Variants in ZHX2 observed in about 807,000 individuals in gnomAD.
ZHX2 encodes the protein zinc fingers and homeoboxes 2.
A neutral mutation model predicts 21.9 loss-of-function variants in ZHX2; 6 were observed. That is an observed-to-expected ratio of 0.27 (90% CI 0.15 to 0.54). ZHX2 has a LOEUF of 0.54. ZHX2 is among the 20% of genes least tolerant of loss of function. The pLI, the probability that ZHX2 is intolerant of heterozygous loss-of-function variation, is 0.95. For missense variants in ZHX2, 908 were observed against 1,090.7 expected (o/e 0.83, Z 2.36); for synonymous variants, 434 against 437.1 (o/e 0.99, Z 0.09).
intron 3 of ZHX2, among the ~76,000 whole-genome samples, chr8:122,956,866 C>T: frequency 6.6e-6 from 1 of 151,998 alleles, no homozygotes; most frequent in East Asian, 1.9e-4. Context: ...GGCCCCGGTC[C>T]CCATCTCTTC....
chr8:122,841,286 C>A (rs1250849137), intron 1 of ZHX2, among the ~76,000 whole-genome samples: 4 of 152,198 alleles, frequency 2.6e-5, no homozygotes, highest in Non-Finnish European at 4.4e-5. Context: ...CAGCCGGTGA[C>A]TTCCGCCTGG....
At chr8:122,890,530 CTGTAGA>C (rs1187047226) in intron 2 of ZHX2, among the ~76,000 whole-genome samples, 2 of 152,096 alleles carry the variant, frequency 1.3e-5, no homozygotes, top group Non-Finnish European at 2.9e-5. Context: ...TGAATTGAAT[CTGTAGA>C]TGTCTTTATA....
At chr8:122,910,446 G>A (rs534680543) in intron 2 of ZHX2, among the ~76,000 whole-genome samples, 1 of 152,172 alleles carries the variant, frequency 6.6e-6, no homozygotes, top group South Asian at 2.1e-4. Flanking sequence ...TTCTCAAACT[G>A]CCAGTCATGA....
intron 2 of ZHX2, among the ~76,000 whole-genome samples, chr8:122,885,719 A>G (rs1039208404): frequency 1.3e-5 from 2 of 152,178 alleles, no homozygotes; most frequent in African/African-American, 4.8e-5. Context: ...TACACCACAC[A>G]TGACAGACCC....
At chr8:122,913,461 C>A (rs965650145) in intron 2 of ZHX2, among the ~76,000 whole-genome samples, 2 of 152,226 alleles carry the variant, frequency 1.3e-5, no homozygotes, top group African/African-American at 4.8e-5. Context: ...AGCCTGCCAA[C>A]CTTGAACCTA....
In ZHX2 at chr8:122,906,722, G is replaced by A. The variant is rs1032893279; in HGVS notation, c.-220+43183G>A. 2.1e-5 allele frequency among the ~76,000 whole-genome samples: 3 copies of A among 144,934 alleles called. No homozygotes were observed. The East Asian group carries it at 6.1e-4, about 29-fold the overall frequency. ...GTCTTGCTCTGTCACCCAGGCTGGA[G>A]TACAGTAGGGCTATCTCAGCTCACT... On this transcript the variant is annotated intron_variant, in intron 2 of 3. Coordinates refer to ENST00000314393, the MANE Select transcript of ZHX2 (RefSeq NM_014943.5).
intron 2 of ZHX2, among the ~76,000 whole-genome samples, chr8:122,920,857 G>A (rs1045206747): frequency 7.9e-5 from 12 of 152,120 alleles, no homozygotes; most frequent in African/African-American, 1.2e-4. Context: ...CTTTCAGGCC[G>A]AAGGGGCTGA....
chr8:122,876,649 GA>G (rs1353801918), intron 2 of ZHX2, among the ~76,000 whole-genome samples: 1 of 152,196 alleles, frequency 6.6e-6, no homozygotes, highest in African/African-American at 2.4e-5. Context: ...ACGGCTCCAC[GA>G]GGACGGGGTA....
chr8:122,937,174 A>C (rs559531426), intron 2 of ZHX2, among the ~76,000 whole-genome samples: 11 of 152,370 alleles, frequency 7.2e-5, no homozygotes, highest in African/African-American at 1.9e-4. Context: ...GTTGTGGAGG[A>C]AAGCCCCGAG....
chr8:122,793,753 G>C (rs767702720), intron 1 of ZHX2, among the ~76,000 whole-genome samples: 1 of 152,174 alleles, frequency 6.6e-6, no homozygotes, highest in African/African-American at 2.4e-5. Context: ...CGTAGATTCC[G>C]CACATGGCTC....
chr8:122,822,808 G>A (rs1051236523), intron 1 of ZHX2, among the ~76,000 whole-genome samples: 6 of 152,256 alleles, frequency 3.9e-5, no homozygotes, highest in African/African-American at 1.2e-4. Flanking sequence ...TCCGGTGGGC[G>A]CGGAGCCCGG....
chr8:122,787,453 G>C (rs540980827), intron 1 of ZHX2, among the ~76,000 whole-genome samples: 4 of 152,380 alleles, frequency 2.6e-5, no homozygotes, highest in Non-Finnish European at 4.4e-5. Context: ...ATGTGAGCCA[G>C]GCATTCACTG....
intron 2 of ZHX2, among the ~76,000 whole-genome samples, chr8:122,927,622 C>A (rs1472705707): frequency 6.6e-6 from 1 of 152,176 alleles, no homozygotes; most frequent in African/African-American, 2.4e-5. Flanking sequence ...TGGCGGCAGG[C>A]AAGAAAGCTT....
At chr8:122,902,630 G>A (rs1383530045) in intron 2 of ZHX2, among the ~76,000 whole-genome samples, 1 of 152,138 alleles carries the variant, frequency 6.6e-6, no homozygotes, top group Admixed American at 6.5e-5. Flanking sequence ...TCTGAGCTTG[G>A]GTAAGCAATG....
intron 1 of ZHX2, among the ~76,000 whole-genome samples, chr8:122,824,952 G>C (rs1183300412): frequency 6.6e-6 from 1 of 152,182 alleles, no homozygotes; most frequent in Non-Finnish European, 1.5e-5. Flanking sequence ...GTGGTCAGTT[G>C]AGTCTTTCTC....
At chr8:122,825,620 AG>A (rs1219040817) in intron 1 of ZHX2, among the ~76,000 whole-genome samples, 4 of 152,168 alleles carry the variant, frequency 2.6e-5, no homozygotes, top group African/African-American at 4.8e-5. Context: ...TCTGTCAACC[AG>A]GGGCTCAGAG....
intron 1 of ZHX2, among the ~76,000 whole-genome samples, chr8:122,831,848 A>T (rs1818384982): frequency 2.0e-5 from 3 of 152,136 alleles, no homozygotes; most frequent in Admixed American, 2.0e-4. Context: ...ATTTGAATAT[A>T]TGTTGATCTG....
intron 2 of ZHX2, among the ~76,000 whole-genome samples, chr8:122,945,980 A>G (rs1021827062): frequency 3.9e-5 from 6 of 152,190 alleles, no homozygotes; most frequent in African/African-American, 1.4e-4. Context: ...TCAGGTTGGC[A>G]CAGGATGTGA....
At chr8:122,811,482 C>T (rs1055013019) in intron 1 of ZHX2, among the ~76,000 whole-genome samples, 1 of 152,208 alleles carries the variant, frequency 6.6e-6, no homozygotes, top group Non-Finnish European at 1.5e-5. Context: ...TCTAATGCTC[C>T]CTGCCCTGCA....
Sources: gnomAD v4.1 joint callset for allele counts (sites outside exome capture counted in the v4.1 genomes callset) on GRCh38, gnomAD v4.1.1 for gene constraint, MANE v1.5 for transcripts, NCBI Gene and HGNC (gene_info 2026-07-23, HGNC 2026-07-21) for gene names.